The following CLK3 variants were observed in gnomAD, a reference collection of about 807,000 sequenced individuals.
CLK3 encodes CDC like kinase 3, also known as dual specificity protein kinase CLK3.
In CLK3, 24 loss-of-function variants were observed where a neutral mutation model predicts 65.2. The ratio of observed to expected loss-of-function variants is 0.37; its 90% CI spans 0.27 to 0.52. The LOEUF (loss-of-function observed/expected upper bound fraction) is 0.52. Among genes scored for constraint, CLK3 ranks in the 20% least tolerant of loss-of-function variants. The probability of loss-of-function intolerance (pLI) is 0.92; values close to 1 mark genes in which losing one functional copy is unlikely to be tolerated. For missense variants in CLK3, 506 were observed against 660.0 expected, an observed-to-expected ratio of 0.77 and a Z score of 2.56; for synonymous variants, 252 against 240.8, an observed-to-expected ratio of 1.05 and a Z score of -0.43.
upstream of CLK3, among the ~76,000 whole-genome samples, chr15:74,612,549 C>A (rs2062002901): frequency 6.6e-6 from 1 of 152,134 alleles, no homozygotes; most frequent in African/African-American, 2.4e-5. Context: ...GTTGTCTTCA[C>A]CTAAGCAGTG....
chr15:74,617,357 C>G (rs2141537187), intron 1 of CLK3, among the ~76,000 whole-genome samples: 1 of 152,334 alleles, frequency 6.6e-6, no homozygotes, highest in African/African-American at 2.4e-5. Context: ...TTACCTGGAA[C>G]TTTCAGATGT....
chr15:74,620,040 C>T lies in CLK3; in HGVS notation c.184C>T (p.Arg62Trp), dbSNP rs768865287. The T allele has an allele frequency of 3.3e-5, 54 of 1,614,034 alleles. No homozygotes were observed. Among genetic ancestry groups the T allele is most frequent in the Middle Eastern group, 1.6e-4 (1 of 6,084 alleles). Residue 62 changes from arginine to tryptophan, a missense_variant, in exon 3 of 13, where the codon CGG becomes TGG. By Grantham distance (101) the Arg-to-Trp change is moderately radical. Coordinates refer to ENST00000395066, the MANE Select transcript of CLK3 (RefSeq NM_001130028.2). ...HDRLPYQRRY[R>W]ERRDSDTYRC... is the part of the protein sequence containing the mutation. Reference sequence around the variant, plus strand: ...CCGCCTGCCCTACCAGAGGAGGTACCGGGAGCGCCGTGACAGCGATACATA... The same window carrying T: ...CCGCCTGCCCTACCAGAGGAGGTACTGGGAGCGCCGTGACAGCGATACATA...
Position 74,622,022 on chromosome 15 carries a change from C to A in CLK3, c.370-98C>A. The A allele has an allele frequency of 8.9e-7, 1 of 1,126,398 alleles. No homozygotes were observed. The highest frequency in any genetic ancestry group is 1.3e-6 in the Non-Finnish European group (1 of 746,598). The allele number at this position is 1,126,398 out of a possible 1,614,324, so 69.8% of individuals were successfully genotyped here. A position where few individuals can be genotyped will look rare whatever the true frequency, so the allele number is the denominator to read the frequency against. On this transcript the variant is annotated intron_variant, in intron 3 of 12. Coordinates refer to ENST00000395066, the MANE Select transcript of CLK3 (RefSeq NM_001130028.2). This position sits in a 1 kb window ranked among gnomAD's most constrained non-coding sequence, Gnocchi z 4.6. ...ACCAACCAACCCACCGGCTCCTCAC[C>A]GTCTCCACCTCTGCCTTTGACTGAC...
rs2062128519 is a variant in CLK3 at position 74,624,495 on chromosome 15, A to G, written c.534-407A>G. ...CTCAGACTTGCAGACAAGCTCAGGA[A>G]GGTCAAGAGGCGCCGCAGGAGGGTT... On this transcript the variant is annotated intron_variant, in intron 5 of 12. Coordinates refer to ENST00000395066, the MANE Select transcript of CLK3 (RefSeq NM_001130028.2). This position sits in a 1 kb window ranked among gnomAD's most constrained non-coding sequence, Gnocchi z 4.2. 5.3e-6 allele frequency: 1 copy of G among 188,586 alleles called. No homozygotes were observed. Among genetic ancestry groups the G allele is most frequent in the Non-Finnish European group, 1.1e-5 (1 of 89,960 alleles). The allele number at this position is 188,586 out of a possible 1,614,324, so 11.7% of individuals were successfully genotyped here.
rs201251393 is a variant in CLK3, at chr15:74,622,263, C to T, written c.466+47C>T. ...CTTTACCTCTCTACTTTCTACCCCCCTTGTTAGACGAGACCTCTCCTGCCT... is the reference window on the plus strand; with the variant it reads ...CTTTACCTCTCTACTTTCTACCCCCTTTGTTAGACGAGACCTCTCCTGCCT... On this transcript the variant is annotated intron_variant, in intron 4 of 12. Coordinates refer to ENST00000395066, the MANE Select transcript of CLK3 (RefSeq NM_001130028.2). The surrounding 1 kb of genome is among the most constrained non-coding windows in gnomAD (Gnocchi z 4.6). The T allele has an allele frequency of 2.2e-5, 34 of 1,565,178 alleles. No individual in the cohort carries two copies. In the Admixed American group the frequency reaches 5.8e-4, roughly 27 times the overall value.
At chr15:74,615,501 G>A, upstream of CLK3, 2 of 1,310,268 alleles carry the variant, frequency 1.5e-6, no homozygotes, top group Non-Finnish European at 1.9e-6. Flanking sequence ...GACCACGCGG[G>A]GTCGGGGCGA....
In CLK3 at chr15:74,619,365, T is replaced by C; in HGVS notation, c.152+17T>C. ...GTCCAGAAGGTGAGAGGGAACTAGA[T>C]AGGAGGGAAAGACTCCTTCTGTCAG... On this transcript the variant is annotated intron_variant, in intron 2 of 12. Transcript: ENST00000395066. 6 of 1,613,374 alleles carry C rather than the reference T, an allele frequency of 3.7e-6. No homozygotes were observed. The highest frequency in any genetic ancestry group is 5.1e-6 in the Non-Finnish European group (6 of 1,179,590).
chr15:74,608,478 T>A (rs1300716227), intron 1 of CLK3: 1 of 151,914 alleles, frequency 6.6e-6, no homozygotes, highest in Non-Finnish European at 1.5e-5. Context: ...CAGTGATTAT[T>A]GTCTTATGAA....
At position 74,625,960 on chromosome 15, in the gene CLK3, C is replaced by A; in HGVS notation, c.809C>A (p.Ala270Asp). 6.2e-7 allele frequency: 1 copy of A among 1,614,038 alleles called. No individual in the cohort carries two copies. The highest frequency in any genetic ancestry group is 8.5e-7 in the Non-Finnish European group (1 of 1,179,916). ...CACATGGCCTACCAGCTCTGCCACG[C>A]CCTTAGATGTAAGTGTCCACCCTCA... ...VRHMAYQLCH[A>D]LRFLHENQLT... Residue 270 changes from alanine (A) to aspartate (D), a missense_variant, in exon 7 of 13, where the codon GCC (alanine) becomes GAC (aspartate). By Grantham distance (126) the Ala-to-Asp change is moderately radical. Coordinates refer to ENST00000395066, the MANE Select transcript of CLK3 (RefSeq NM_001130028.2).
At chr15:74,629,118 C>G in intron 12 of CLK3, 86 bp downstream of exon 12, 1 of 1,032,416 alleles carries the variant, frequency 9.7e-7, no homozygotes, top group Non-Finnish European at 1.5e-6. Context: ...CAGGCCAGGC[C>G]GCTAAAGGCT....
At chr15:74,615,782 G>C (rs2062050880), upstream of CLK3, 2 of 1,243,516 alleles carry the variant, frequency 1.6e-6, no homozygotes, top group South Asian at 6.8e-5. Context: ...GCCGAGGCTG[G>C]CGACGGCTGC....
rs763531005 is a variant in CLK3 at position 74,619,268 on chromosome 15, G to A, written c.72G>A (p.Arg24=). 37 of 1,614,058 alleles carry A rather than the reference G, an allele frequency of 2.3e-5. No homozygotes were observed. Among genetic ancestry groups the A allele is most frequent in the Middle Eastern group, 3.3e-4 (2 of 6,084 alleles). ...PYLSYRWKRR[R]SYSREHEGRL... ...TGAGCTACCGATGGAAGAGGAGGAG[G>A]TCCTACAGTCGGGAACATGAAGGGA... Residue 24 remains arginine, a synonymous_variant, in exon 2 of 13, where the codon AGG becomes AGA. Transcript: ENST00000395066.
rs373663118 is a variant in CLK3, at chr15:74,620,027, C to T, written c.171C>T (p.Tyr57=). The T allele has an allele frequency of 2.3e-5, 37 of 1,614,044 alleles. No individual in the cohort carries two copies. The highest frequency in any genetic ancestry group is 3.0e-5 in the Non-Finnish European group (35 of 1,180,034). The change falls in exon 3 of 13, where the codon TAC becomes TAT. Residue 57 remains tyrosine, a synonymous_variant. Transcript: ENST00000395066. The part of the protein sequence containing the change: ...SRSRSHDRLP[Y]QRRYRERRDS... ...TTGGCAGCCATGACCGCCTGCCCTA[C>T]CAGAGGAGGTACCGGGAGCGCCGTG...
intron 7 of CLK3, 114 bp downstream of exon 7, chr15:74,626,082 G>A (rs762722087): frequency 3.9e-5 from 46 of 1,190,486 alleles, no homozygotes; most frequent in Non-Finnish European, 4.9e-5. Context: ...TCCTGGGCCT[G>A]AGGGACACCA....
upstream of CLK3, chr15:74,615,460 C>T (rs917851535): frequency 7.6e-7 from 1 of 1,311,958 alleles, no homozygotes; most frequent in African/African-American, 1.5e-5. Context: ...GAACAATGCC[C>T]GTCCTCTCCG....
At chr15:74,619,476 G>C (rs2062084805) in intron 2 of CLK3, 128 bp downstream of exon 2, 1 of 1,037,482 alleles carries the variant, frequency 9.6e-7, no homozygotes. Flanking sequence ...TGTCCTCTTT[G>C]GGCTCCTCCA....
intron 6 of CLK3, 47 bp from the exon 7 acceptor site, chr15:74,625,755 C>A (rs780308102): frequency 3.1e-6 from 5 of 1,606,682 alleles, no homozygotes; most frequent in Middle Eastern, 1.7e-4. Flanking sequence ...GGGGGTGAGG[C>A]AGGCCCCCAG....
chr15:74,627,238 T>G lies in CLK3; in HGVS notation c.818-114T>G, dbSNP rs1596291154. 1.2e-6 allele frequency: 1 copy of G among 813,096 alleles called. No homozygotes were observed. The highest frequency in any genetic ancestry group is 2.2e-6 in the Non-Finnish European group (1 of 462,410). 50.4% of individuals were successfully genotyped at this position (813,096 alleles called of 1,614,324 possible). A position where few individuals can be genotyped will look rare whatever the true frequency, so the allele number is the denominator to read the frequency against. ...GCTGTAGTCCAGCTCCCTGCTGAGG[T>G]GGGGGTGTGAGGACCTCTGGCAGTT... is the stretch of plus-strand genomic sequence containing the variant. On this transcript the variant is annotated intron_variant, in intron 7 of 12. Coordinates refer to ENST00000395066, the MANE Select transcript of CLK3 (RefSeq NM_001130028.2). The surrounding 1 kb of genome is among the most constrained non-coding windows in gnomAD (Gnocchi z 4.3).
In CLK3 at chr15:74,625,015, AGTT is replaced by A. The variant is rs1373584850; in HGVS notation, c.650_650+2del. 1.9e-6 allele frequency: 3 copies of A among 1,610,846 alleles called. No individual in the cohort carries two copies. The highest frequency in any genetic ancestry group is 2.5e-6 in the Non-Finnish European group (3 of 1,177,168). On this transcript the variant is annotated inframe_deletion and splice_region_variant, in exon 6 of 13. Coordinates refer to ENST00000395066, the MANE Select transcript of CLK3 (RefSeq NM_001130028.2). ...ATCAAGGAGAAGGACAAAGAAAACA[AGTT>A]GTGAGTATCTGCAAGGAGTGGGAGG...
Sources: gnomAD v4.1 joint callset for allele counts (sites outside exome capture counted in the v4.1 genomes callset) on GRCh38, gnomAD v4.1.1 for gene constraint, Gnocchi (gnomAD v3.1) non-coding constraint, MANE v1.5 for transcripts, NCBI Gene and HGNC (gene_info 2026-07-23, HGNC 2026-07-21) for gene names.